The following EDIL3 variants were observed in gnomAD, a reference collection of about 807,000 sequenced individuals.
EDIL3 encodes the protein EGF like and discoidin domains 3.
Under a neutral mutation model 67.4 loss-of-function variants are expected in EDIL3, and 37 were observed. The observed-to-expected ratio is 0.55, with a 90% CI of 0.42 to 0.72. EDIL3 has a LOEUF of 0.72. Ranked by LOEUF, EDIL3 falls within the 30% of genes least tolerant of loss-of-function variation. The pLI, the probability that EDIL3 is intolerant of heterozygous loss-of-function variation, is 0.00. For synonymous variants in EDIL3, 195 were observed against 196.3 expected (o/e 0.99, Z 0.05); for missense variants, 527 against 586.3 (o/e 0.90, Z 1.04).
At chr5:84,091,293 T>C (rs1388881506) in intron 6 of EDIL3, among the ~76,000 whole-genome samples, 1 of 152,212 alleles carries the variant, frequency 6.6e-6, no homozygotes, top group Non-Finnish European at 1.5e-5. Flanking sequence ...TTACAGTCAA[T>C]ACATGCAGAG....
At chr5:84,305,350 C>CGGT (rs1746243693) in intron 1 of EDIL3, among the ~76,000 whole-genome samples, 1 of 152,112 alleles carries the variant, frequency 6.6e-6, no homozygotes, top group Non-Finnish European at 1.5e-5. Context: ...GTTTCTGGAC[C>CGGT]TACCATGTGT....
chr5:84,291,825 A>C (rs1039212490), intron 1 of EDIL3, among the ~76,000 whole-genome samples: 26 of 148,224 alleles, frequency 1.8e-4, no homozygotes, highest in African/African-American at 6.5e-4. Flanking sequence ...ATATATATAC[A>C]CACACATATA....
chr5:84,292,943 T>C (rs1335933528), intron 1 of EDIL3, among the ~76,000 whole-genome samples: 3 of 152,192 alleles, frequency 2.0e-5, no homozygotes, highest in Non-Finnish European at 4.4e-5. Flanking sequence ...TCCTCATTGG[T>C]CGAGTACTAT....
At chr5:84,269,981 A>G (rs988064065) in intron 1 of EDIL3, among the ~76,000 whole-genome samples, 3 of 152,226 alleles carry the variant, frequency 2.0e-5, no homozygotes, top group Non-Finnish European at 2.9e-5. Context: ...ATGAAAAAGC[A>G]GTGTATGCTC....
At chr5:84,128,419 G>A (rs1368183607) in intron 5 of EDIL3, among the ~76,000 whole-genome samples, 2 of 151,846 alleles carry the variant, frequency 1.3e-5, no homozygotes, top group African/African-American at 4.8e-5. Context: ...TCTGACAGTC[G>A]GCCCAAAATT....
At chr5:84,010,738 A>G (rs1745502986) in intron 9 of EDIL3, among the ~76,000 whole-genome samples, 1 of 152,214 alleles carries the variant, frequency 6.6e-6, no homozygotes, top group South Asian at 2.1e-4. Flanking sequence ...TGTGAATTAA[A>G]TAAATCTGGG....
intron 2 of EDIL3, among the ~76,000 whole-genome samples, chr5:84,251,068 C>T (rs1339735756): frequency 6.6e-6 from 1 of 151,940 alleles, no homozygotes; most frequent in Non-Finnish European, 1.5e-5. Flanking sequence ...AACAGGAGAA[C>T]AATAACAAAA....
At chr5:84,329,300 A>C (rs1746825493) in intron 1 of EDIL3, among the ~76,000 whole-genome samples, 2 of 152,196 alleles carry the variant, frequency 1.3e-5, no homozygotes, top group Admixed American at 6.5e-5. Flanking sequence ...GTAAAGTAAA[A>C]GTTTGACAGT....
chr5:83,976,844 A>C (rs1163487868), intron 9 of EDIL3, among the ~76,000 whole-genome samples: 1 of 151,876 alleles, frequency 6.6e-6, no homozygotes, highest in African/African-American at 2.4e-5. Context: ...AAAGAATTTC[A>C]TACAGGAATC....
intron 5 of EDIL3, among the ~76,000 whole-genome samples, chr5:84,127,329 TTA>T (rs1182055145): frequency 2.6e-5 from 4 of 152,128 alleles, no homozygotes; most frequent in African/African-American, 9.6e-5. Context: ...GTTGGATACT[TTA>T]TGTTTCCATT....
intron 1 of EDIL3, among the ~76,000 whole-genome samples, chr5:84,346,168 C>T (rs1747236701): frequency 7.3e-6 from 1 of 136,116 alleles, no homozygotes; most frequent in Admixed American, 8.1e-5. Flanking sequence ...TGGAGTCTCG[C>T]TCTGTCTCCC....
chr5:84,220,251 C>T (rs1377003370), intron 3 of EDIL3, among the ~76,000 whole-genome samples: 1 of 152,038 alleles, frequency 6.6e-6, no homozygotes. Flanking sequence ...TATGAACCCA[C>T]TAAAATTAAA....
At chr5:84,183,088 A>G (rs999362503) in intron 3 of EDIL3, among the ~76,000 whole-genome samples, 2 of 152,170 alleles carry the variant, frequency 1.3e-5, no homozygotes, top group African/African-American at 4.8e-5. Context: ...TCACAAATTA[A>G]TTAACATTTG....
chr5:84,356,512 CTCT>C (rs1345610660), intron 1 of EDIL3, among the ~76,000 whole-genome samples: 1 of 152,216 alleles, frequency 6.6e-6, no homozygotes, highest in Non-Finnish European at 1.5e-5. Context: ...ATCACTCTGA[CTCT>C]TCTTCTTCCA....
chr5:84,200,963 A>T (rs978091116), intron 3 of EDIL3, among the ~76,000 whole-genome samples: 2 of 152,140 alleles, frequency 1.3e-5, no homozygotes, highest in African/African-American at 4.8e-5. Flanking sequence ...TTATTTTCAT[A>T]GCAATGTAAC....
chr5:84,096,967 G>A (rs781713450), intron 6 of EDIL3, among the ~76,000 whole-genome samples: 14 of 152,212 alleles, frequency 9.2e-5, no homozygotes, highest in Admixed American at 2.0e-4. Context: ...CACCATCCAC[G>A]TAAATGTCAC....
At chr5:84,085,430 C>A (rs1255967729) in intron 6 of EDIL3, among the ~76,000 whole-genome samples, 2 of 152,148 alleles carry the variant, frequency 1.3e-5, no homozygotes, top group Non-Finnish European at 2.9e-5. Flanking sequence ...TTCTGCCAAG[C>A]CCTTCTTCTG....
chr5:83,960,995 T>C (rs1266270911), intron 10 of EDIL3, among the ~76,000 whole-genome samples: 1 of 150,800 alleles, frequency 6.6e-6, no homozygotes. Context: ...TACAAATAGG[T>C]TAAAAGTAAA....
At chr5:84,021,858 T>TG (rs1389844721) in intron 9 of EDIL3, among the ~76,000 whole-genome samples, 1 of 151,862 alleles carries the variant, frequency 6.6e-6, no homozygotes, top group East Asian at 1.9e-4. Context: ...TTAGAAGAAA[T>TG]AGAAAACCTG....
Sources: allele counts gnomAD v4.1 joint callset (sites outside exome capture counted in the v4.1 genomes callset), GRCh38; gene constraint gnomAD v4.1.1; transcripts MANE v1.5; gene names NCBI Gene and HGNC (gene_info 2026-07-23, HGNC 2026-07-21).